The following EBF2 variants were observed in gnomAD, a reference collection of about 807,000 sequenced individuals.
EBF2 encodes the protein transcription factor COE2.
EBF2 carries 21 observed loss-of-function variants against 72.8 expected under a neutral mutation model. The observed-to-expected ratio is 0.29, with a 90% CI of 0.20 to 0.42. EBF2 has a LOEUF of 0.42. Among genes scored for constraint, EBF2 ranks in the 10% least tolerant of loss-of-function variants. The probability of loss-of-function intolerance (pLI) is 1.00; values close to 1 mark genes in which losing one functional copy is unlikely to be tolerated. For synonymous variants in EBF2, 299 were observed against 274.2 expected (o/e 1.09, Z -0.89); for missense variants, 637 against 731.2 (o/e 0.87, Z 1.49).
intron 10 of EBF2, among the ~76,000 whole-genome samples, chr8:25,872,710 A>C (rs1410301999): frequency 2.1e-5 from 3 of 144,120 alleles, no homozygotes; most frequent in Non-Finnish European, 4.6e-5. Flanking sequence ...CAACAACAAC[A>C]ACAAACCCTT....
At position 25,950,284 on chromosome 8, in the gene EBF2, G is replaced by T. The variant is rs147023201; in HGVS notation, c.552-41729C>A. ...TTCCATATTTTCCTAAAACAAGATG[G>T]CTACCATTACTGATGCCTACCTCAT... On this transcript the variant is annotated intron_variant, in intron 6 of 15. Transcript: ENST00000520164. Among the ~76,000 whole-genome samples, 801 of 152,252 alleles carry T rather than the reference G, an allele frequency of 5.3e-3. 3 individuals carry two copies. Among genetic ancestry groups the T allele is most frequent in the Middle Eastern group, 0.02 (6 of 294 alleles).
At chr8:25,869,143 G>A in intron 10 of EBF2, among the ~76,000 whole-genome samples, 1 of 152,078 alleles carries the variant, frequency 6.6e-6, no homozygotes, top group East Asian at 1.9e-4. Flanking sequence ...CAATTCTCCT[G>A]CAGTCAGGTG....
chr8:25,844,995 G>A (rs2117240545), intron 15 of EBF2, among the ~76,000 whole-genome samples: 1 of 152,242 alleles, frequency 6.6e-6, no homozygotes, highest in Admixed American at 6.5e-5. Context: ...ATAATTTCCA[G>A]ATTATACTGC....
At chr8:26,001,162 C>G (rs542920702) in intron 6 of EBF2, among the ~76,000 whole-genome samples, 2 of 152,324 alleles carry the variant, frequency 1.3e-5, no homozygotes, top group Non-Finnish European at 2.9e-5. Flanking sequence ...CAATGGCTCA[C>G]TGGGCCCTCA....
At chr8:26,019,846 T>C (rs1401233926) in intron 6 of EBF2, among the ~76,000 whole-genome samples, 1 of 152,190 alleles carries the variant, frequency 6.6e-6, no homozygotes, top group Non-Finnish European at 1.5e-5. Flanking sequence ...TAAGCTGGAT[T>C]AAGTTGAAAA....
chr8:25,951,626 C>T (rs1803863228), intron 6 of EBF2, among the ~76,000 whole-genome samples: 1 of 152,212 alleles, frequency 6.6e-6, no homozygotes, highest in Non-Finnish European at 1.5e-5. Flanking sequence ...AGAGAATACA[C>T]ACACTTAGCT....
chr8:25,893,754 C>T (rs1004199490), intron 7 of EBF2, among the ~76,000 whole-genome samples: 5 of 152,162 alleles, frequency 3.3e-5, no homozygotes, highest in African/African-American at 1.2e-4. Context: ...AAATATGGGG[C>T]TTTCACAAGC....
chr8:25,862,863 C>A (rs1329983194), intron 10 of EBF2, 66 bp from the exon 11 acceptor site: 4 of 1,216,822 alleles, frequency 3.3e-6, no homozygotes, highest in East Asian at 5.0e-5. Context: ...CTAATTAATT[C>A]TTCCACAGGT....
chr8:25,881,109 A>G (rs1802599505), intron 10 of EBF2, among the ~76,000 whole-genome samples: 1 of 152,154 alleles, frequency 6.6e-6, no homozygotes, highest in South Asian at 2.1e-4. Flanking sequence ...ACTGGCCTCC[A>G]AGTGACCTCC....
At chr8:25,928,725 A>G (rs1803430248) in intron 6 of EBF2, among the ~76,000 whole-genome samples, 1 of 150,028 alleles carries the variant, frequency 6.7e-6, no homozygotes, top group African/African-American at 2.5e-5. Context: ...CATTCCTTAT[A>G]CATGTCAGGC....
chr8:25,897,843 G>A (rs1802884061), intron 7 of EBF2, among the ~76,000 whole-genome samples: 1 of 152,166 alleles, frequency 6.6e-6, no homozygotes, highest in Admixed American at 6.5e-5. Context: ...ATGTCTTTCG[G>A]GTAGAACAAT....
At chr8:26,006,025 C>G (rs1804876231) in intron 6 of EBF2, among the ~76,000 whole-genome samples, 1 of 152,006 alleles carries the variant, frequency 6.6e-6, no homozygotes, top group Admixed American at 6.6e-5. Flanking sequence ...TTCTGCAGAA[C>G]AAACATCCAT....
In EBF2 at chr8:25,962,449, C is replaced by T. The variant is rs78165019; in HGVS notation, c.552-53894G>A. ...TGGCTTCCAACTTCCAACTATTATCCAGACATATCTGAATCTAGCCTCTGA... is the reference window on the plus strand; with the variant it reads ...TGGCTTCCAACTTCCAACTATTATCTAGACATATCTGAATCTAGCCTCTGA... On this transcript the variant is annotated intron_variant, in intron 6 of 15. Transcript: ENST00000520164. Among the ~76,000 whole-genome samples the T allele has an allele frequency of 1.2e-3, 175 of 152,146 alleles. 2 individuals are homozygous for T. In the East Asian group the frequency reaches 0.028, roughly 24 times the overall value.
intron 14 of EBF2, among the ~76,000 whole-genome samples, chr8:25,852,353 C>CGGTACAGA (rs1198920224): frequency 1.3e-5 from 2 of 151,926 alleles, no homozygotes; most frequent in African/African-American, 4.8e-5. Context: ...ATTTTCTCTA[C>CGGTACAGA]GGTACAGAAT....
intron 6 of EBF2, among the ~76,000 whole-genome samples, chr8:25,980,719 A>T (rs1019027817): frequency 6.7e-6 from 1 of 148,352 alleles, no homozygotes; most frequent in Non-Finnish European, 1.5e-5. Context: ...CAGAAAGGAA[A>T]TGGGTCAAGT....
chr8:26,041,324 G>A lies in EBF2; in HGVS notation c.289-322C>T, dbSNP rs575421433. ...TTAAACAGGCACCACCCAACCCATC[G>A]GGCTCTGTCTGTCCTTAGGAAGCCC... is the stretch of plus-strand genomic sequence containing the variant. On this transcript the variant is annotated intron_variant, in intron 2 of 15. Coordinates refer to ENST00000520164, the MANE Select transcript of EBF2 (RefSeq NM_022659.4). The A allele has an allele frequency of 3.0e-4, 120 of 395,476 alleles. No individual in the cohort carries two copies. In the Middle Eastern group the frequency reaches 5.3e-3, roughly 18 times the overall value. 24.5% of individuals were successfully genotyped at this position (395,476 alleles called of 1,614,324 possible).
chr8:25,925,708 C>T (rs995926057), intron 6 of EBF2, among the ~76,000 whole-genome samples: 1 of 152,090 alleles, frequency 6.6e-6, no homozygotes, highest in Non-Finnish European at 1.5e-5. Flanking sequence ...CAGTCTTCTT[C>T]GGAGGTCTGT....
intron 6 of EBF2, among the ~76,000 whole-genome samples, chr8:26,017,911 C>A (rs1035915928): frequency 6.6e-5 from 10 of 152,146 alleles, no homozygotes; most frequent in Non-Finnish European, 1.3e-4. Flanking sequence ...GGGGGTTTCG[C>A]GTATCAGGTT....
chr8:25,948,247 A>G (rs1192177020), intron 6 of EBF2, among the ~76,000 whole-genome samples: 2 of 152,156 alleles, frequency 1.3e-5, no homozygotes, highest in East Asian at 3.8e-4. Context: ...TTCCTGCCGC[A>G]TACCTCCACC....
Sources: gnomAD v4.1 joint callset for allele counts (sites outside exome capture counted in the v4.1 genomes callset) on GRCh38, gnomAD v4.1.1 for gene constraint, MANE v1.5 for transcripts, NCBI Gene and HGNC (gene_info 2026-07-23, HGNC 2026-07-21) for gene names.